Variants in LRCH2 observed in about 807,000 individuals in gnomAD.
LRCH2 encodes leucine rich repeats and calponin homology domain containing 2, also known as leucine-rich repeat and calponin homology domain-containing protein 2.
Under a neutral mutation model 68.9 loss-of-function variants are expected in LRCH2, and 38 were observed. The observed-to-expected ratio is 0.55, with a 90% confidence interval of 0.43 to 0.72. LRCH2 has a LOEUF of 0.72. Ranked by LOEUF, LRCH2 falls within the 30% of genes least tolerant of loss-of-function variation. The probability of loss-of-function intolerance (pLI) is 0.00; values close to 1 mark genes in which losing one functional copy is unlikely to be tolerated. For synonymous variants in LRCH2, 191 were observed against 208.1 expected (o/e 0.92, Z 0.71); for missense variants, 528 against 572.9 (o/e 0.92, Z 0.80).
intron 14 of LRCH2, among the ~76,000 whole-genome samples, chrX:115,147,871 A>G (rs146021856): frequency 2.5e-3 from 272 of 110,458 alleles, no homozygotes; most frequent in African/African-American, 8.2e-3. Context: ...GGGCAACATA[A>G]TAAGATCTCA....
intron 11 of LRCH2, among the ~76,000 whole-genome samples, chrX:115,161,423 C>G (rs1189544819): frequency 9.0e-6 from 1 of 111,386 alleles, no homozygotes; most frequent in Admixed American, 9.6e-5. Flanking sequence ...ATTAGACATA[C>G]TTATCACAAC....
chrX:115,160,930 G>T (rs1373633794), intron 11 of LRCH2, among the ~76,000 whole-genome samples: 2 of 112,357 alleles, frequency 1.8e-5, no homozygotes, highest in African/African-American at 6.5e-5. Context: ...GTAGAAGGAA[G>T]AAAGATTATT....
intron 1 of LRCH2, among the ~76,000 whole-genome samples, chrX:115,224,489 C>T (rs2073105613): frequency 9.1e-6 from 1 of 109,939 alleles, no homozygotes; most frequent in Non-Finnish European, 1.9e-5. Context: ...TCAAGACCAG[C>T]CTGGGCAACA....
chrX:115,179,632 A>G lies in LRCH2; in HGVS notation c.727+14T>C, dbSNP rs1556551845. The G allele has an allele frequency of 9.0e-7, 1 of 1,109,715 alleles. No homozygotes were observed. The highest frequency in any genetic ancestry group is 1.2e-6 in the Non-Finnish European group (1 of 838,967). The allele number at this position is 1,109,715 out of a possible 1,213,427, so 91.5% of individuals were successfully genotyped here. On this transcript the variant is annotated intron_variant, in intron 4 of 20. Transcript: ENST00000317135. Reference sequence around the variant, plus strand: ...CTCTCTTATTCATGTGAGTAAAAACAGTGAACATCTTACCATCTGGCAAAA... The same window carrying G: ...CTCTCTTATTCATGTGAGTAAAAACGGTGAACATCTTACCATCTGGCAAAA...
rs1556558565 is a variant in LRCH2, at chrX:115,191,009, G to A, written c.350-2639C>T. 9 of 1,164,548 alleles carry A rather than the reference G, an allele frequency of 7.7e-6. No homozygotes were observed. The South Asian group carries it at 1.5e-4, about 20-fold the overall frequency. On this transcript the variant is annotated intron_variant, in intron 1 of 20. Coordinates refer to ENST00000317135, the MANE Select transcript of LRCH2 (RefSeq NM_020871.4). ...GGCCACTCTCTGGATGCCAACAGCG[G>A]AGGCCGTTCACCCGACACCCACAGT... is the stretch of plus-strand genomic sequence containing the variant.
At chrX:115,206,740 T>A (rs1223098373) in intron 1 of LRCH2, among the ~76,000 whole-genome samples, 1 of 111,119 alleles carries the variant, frequency 9.0e-6, no homozygotes, top group African/African-American at 3.3e-5. Context: ...TTTCTGTGTG[T>A]GTGTCTTTAA....
intron 1 of LRCH2, 139 bp from the exon 2 acceptor site, chrX:115,188,509 C>T: frequency 2.4e-6 from 1 of 419,878 alleles, no homozygotes; most frequent in Non-Finnish European, 3.7e-6. Context: ...TCCATCAATA[C>T]CTTGAAGGCA....
intron 3 of LRCH2, among the ~76,000 whole-genome samples, chrX:115,182,810 G>T (rs2072702415): frequency 1.0e-5 from 1 of 98,330 alleles, no homozygotes; most frequent in Admixed American, 1.1e-4. Flanking sequence ...TCCACCCTGG[G>T]CGACAGAGTG....
At chrX:115,207,846 T>C (rs1410668289) in intron 1 of LRCH2, among the ~76,000 whole-genome samples, 1 of 112,051 alleles carries the variant, frequency 8.9e-6, no homozygotes, top group Non-Finnish European at 1.9e-5. Flanking sequence ...TTAGCCTGCA[T>C]CATCCATGTG....
chrX:115,219,859 T>C (rs2073066736), intron 1 of LRCH2, among the ~76,000 whole-genome samples: 1 of 111,291 alleles, frequency 9.0e-6, no homozygotes, highest in South Asian at 3.8e-4. Flanking sequence ...GATCACAGAG[T>C]ATTCCCCCAA....
rs1482748241 is a variant in LRCH2, at chrX:115,111,660, T to C, written c.*1556A>G. ...CATATACTCATAGAAGCTTTAATTC[T>C]TTAAAAGCTCCAATTTGACCCTTGG... On this transcript the variant is annotated 3_prime_UTR_variant, in exon 21 of 21. Transcript: ENST00000317135. 9.0e-6 allele frequency: 1 copy of C among 111,675 alleles called. No individual in the cohort carries two copies. Among genetic ancestry groups the C allele is most frequent in the Admixed American group, 9.6e-5 (1 of 10,374 alleles). The allele number at this position is 111,675 out of a possible 1,213,427, so 9.2% of individuals were successfully genotyped here.
chrX:115,221,318 T>C (rs782319575), intron 1 of LRCH2, among the ~76,000 whole-genome samples: 5 of 106,762 alleles, frequency 4.7e-5, no homozygotes, highest in Non-Finnish European at 7.7e-5. Flanking sequence ...ACAAGATATG[T>C]CTTTTTTCTA....
At chrX:115,206,353 T>G (rs1184888382) in intron 1 of LRCH2, among the ~76,000 whole-genome samples, 1 of 112,187 alleles carries the variant, frequency 8.9e-6, no homozygotes, top group Non-Finnish European at 1.9e-5. Context: ...ATAAACAAAA[T>G]CTCTGCAGCA....
intron 1 of LRCH2, chrX:115,192,342 C>T (rs151176784): frequency 0.024 from 25,797 of 1,083,633 alleles, 261 homozygotes; most frequent in Non-Finnish European, 0.028. Context: ...GCGACAGTTC[C>T]ATCAAGAGTT....
At chrX:115,212,707 A>G (rs1483257446) in intron 1 of LRCH2, among the ~76,000 whole-genome samples, 1 of 109,484 alleles carries the variant, frequency 9.1e-6, no homozygotes, top group Non-Finnish European at 1.9e-5. Flanking sequence ...GCAGTGGCTC[A>G]TATCTACAAT....
intron 14 of LRCH2, among the ~76,000 whole-genome samples, chrX:115,131,623 T>C (rs1556530254): frequency 2.7e-5 from 3 of 111,866 alleles, no homozygotes; most frequent in Non-Finnish European, 5.6e-5. Context: ...ATATACCCAG[T>C]AATGGGATGG....
At chrX:115,207,647 T>G (rs1427231812) in intron 1 of LRCH2, among the ~76,000 whole-genome samples, 3 of 112,040 alleles carry the variant, frequency 2.7e-5, no homozygotes, top group Non-Finnish European at 5.6e-5. Context: ...CAAACAGCAC[T>G]TGGGAAAAGA....
At chrX:115,174,580 C>T (rs1010289783) in intron 5 of LRCH2, among the ~76,000 whole-genome samples, 3 of 53,323 alleles carry the variant, frequency 5.6e-5, no homozygotes, top group Non-Finnish European at 1.1e-4. Flanking sequence ...TATTTCATTA[C>T]ACACAAACAC....
intron 1 of LRCH2, among the ~76,000 whole-genome samples, chrX:115,223,091 T>C (rs907205322): frequency 1.8e-5 from 2 of 110,988 alleles, no homozygotes; most frequent in Non-Finnish European, 3.8e-5. Context: ...AAGAAAAAAA[T>C]GACCTTTTCA....
Sources: allele counts gnomAD v4.1 joint callset (sites outside exome capture counted in the v4.1 genomes callset), GRCh38; gene constraint gnomAD v4.1.1; transcripts MANE v1.5; gene names NCBI Gene and HGNC (gene_info 2026-07-23, HGNC 2026-07-21).